The following KCNIP1 variants were observed in gnomAD, a reference collection of about 807,000 sequenced individuals.
KCNIP1 encodes the protein potassium voltage-gated channel interacting protein 1, also known as A-type potassium channel modulatory protein KCNIP1.
In KCNIP1, 18 loss-of-function variants were observed where a neutral mutation model predicts 33.0. The observed-to-expected ratio is 0.55, with a 90% CI of 0.38 to 0.81. The LOEUF is 0.81. Among genes scored for constraint, KCNIP1 ranks in the 30% least tolerant of loss-of-function variants. The pLI, the probability that KCNIP1 is intolerant of heterozygous loss-of-function variation, is 0.00. For missense variants in KCNIP1, 238 were observed against 271.6 expected, an observed-to-expected ratio of 0.88 and a Z score of 0.87; for synonymous variants, 93 against 98.3, an observed-to-expected ratio of 0.95 and a Z score of 0.32.
intron 1 of KCNIP1, among the ~76,000 whole-genome samples, chr5:170,556,229 G>A (rs1756842508): frequency 6.6e-6 from 1 of 152,218 alleles, no homozygotes; most frequent in South Asian, 2.1e-4. Flanking sequence ...AACAAGGGGT[G>A]AGGCCAGTTG....
intron 1 of KCNIP1, among the ~76,000 whole-genome samples, chr5:170,386,210 C>A (rs550611207): frequency 6.6e-6 from 1 of 151,912 alleles, no homozygotes; most frequent in Non-Finnish European, 1.5e-5. Flanking sequence ...TAAATGTAAT[C>A]CCAAGGGTCC....
At chr5:170,425,849 T>C (rs1755601818) in intron 1 of KCNIP1, among the ~76,000 whole-genome samples, 1 of 152,214 alleles carries the variant, frequency 6.6e-6, no homozygotes, top group Non-Finnish European at 1.5e-5. Flanking sequence ...TATAAGGTTG[T>C]CTGTGGCCAT....
intron 1 of KCNIP1, among the ~76,000 whole-genome samples, chr5:170,656,630 G>A (rs957019582): frequency 2.0e-5 from 3 of 152,214 alleles, no homozygotes; most frequent in Admixed American, 6.5e-5. Context: ...CCTGGGAGAG[G>A]CCACCCATGA....
At chr5:170,358,111 G>A (rs182597217) in intron 1 of KCNIP1, among the ~76,000 whole-genome samples, 201 of 152,284 alleles carry the variant, frequency 1.3e-3, no homozygotes, top group African/African-American at 4.5e-3. Context: ...CAGAAGTTGT[G>A]CAGGCTCCAT....
intron 1 of KCNIP1, among the ~76,000 whole-genome samples, chr5:170,661,468 G>A (rs1428422978): frequency 6.6e-6 from 1 of 152,122 alleles, no homozygotes; most frequent in Non-Finnish European, 1.5e-5. Flanking sequence ...TAGGAGTTGG[G>A]GAATCCCAAA....
At chr5:170,726,602 C>A (rs747164549) in intron 5 of KCNIP1, among the ~76,000 whole-genome samples, 1 of 151,948 alleles carries the variant, frequency 6.6e-6, no homozygotes, top group Non-Finnish European at 1.5e-5. Flanking sequence ...AACATACAAC[C>A]CAGAAATCCC....
chr5:170,598,922 T>C (rs931053328), intron 1 of KCNIP1, among the ~76,000 whole-genome samples: 1 of 150,466 alleles, frequency 6.6e-6, no homozygotes, highest in Non-Finnish European at 1.5e-5. Flanking sequence ...TGTGTGTGTG[T>C]GTGTGTGTGT....
chr5:170,415,109 T>C (rs543402701), intron 1 of KCNIP1, among the ~76,000 whole-genome samples: 66 of 152,348 alleles, frequency 4.3e-4, no homozygotes, highest in African/African-American at 1.2e-3. Context: ...TATTTTTCTC[T>C]CTTTTTCTGT....
At chr5:170,603,088 G>A (rs910282993) in intron 1 of KCNIP1, among the ~76,000 whole-genome samples, 2 of 152,008 alleles carry the variant, frequency 1.3e-5, no homozygotes, top group African/African-American at 4.8e-5. Context: ...GCGAAGGAGT[G>A]GGATCCCACC....
chr5:170,414,128 C>T (rs1447977399), intron 1 of KCNIP1, among the ~76,000 whole-genome samples: 1 of 152,166 alleles, frequency 6.6e-6, no homozygotes, highest in Non-Finnish European at 1.5e-5. Flanking sequence ...AAGAGTGTTG[C>T]AATCAGTTAG....
At chr5:170,355,702 C>T (rs1284110956) in intron 1 of KCNIP1, among the ~76,000 whole-genome samples, 1 of 152,216 alleles carries the variant, frequency 6.6e-6, no homozygotes, top group Non-Finnish European at 1.5e-5. Context: ...GAGGGAGCAA[C>T]ATCAGAGTGT....
intron 1 of KCNIP1, among the ~76,000 whole-genome samples, chr5:170,587,539 C>T (rs2113538218): frequency 6.6e-6 from 1 of 151,868 alleles, no homozygotes; most frequent in South Asian, 2.1e-4. Flanking sequence ...GTGCTGTGTT[C>T]CTTCCGGGGG....
chr5:170,369,527 G>A (rs1018372791), intron 1 of KCNIP1, among the ~76,000 whole-genome samples: 3 of 152,288 alleles, frequency 2.0e-5, no homozygotes, highest in Middle Eastern at 3.4e-3. Context: ...GCTCCAATGC[G>A]GTGCCTGCCC....
At chr5:170,443,072 G>T (rs1051970487) in intron 1 of KCNIP1, among the ~76,000 whole-genome samples, 1 of 152,160 alleles carries the variant, frequency 6.6e-6, no homozygotes, top group Non-Finnish European at 1.5e-5. Context: ...CTGTGGGGAG[G>T]GGCTCAGCTA....
intron 1 of KCNIP1, among the ~76,000 whole-genome samples, chr5:170,570,146 G>A (rs1757351309): frequency 6.6e-6 from 1 of 152,120 alleles, no homozygotes; most frequent in African/African-American, 2.4e-5. Context: ...TATTAGAAAA[G>A]TCACTGAGCC....
chr5:170,572,541 T>C (rs1272321427), intron 1 of KCNIP1, among the ~76,000 whole-genome samples: 2 of 152,182 alleles, frequency 1.3e-5, no homozygotes, highest in African/African-American at 4.8e-5. Flanking sequence ...AAGGCATACG[T>C]GGTGTGCAGA....
At chr5:170,631,300 T>G (rs1470194306) in intron 1 of KCNIP1, among the ~76,000 whole-genome samples, 2 of 152,122 alleles carry the variant, frequency 1.3e-5, no homozygotes. Context: ...CCAAAGAATG[T>G]GTGTGAGAGC....
chr5:170,433,957 T>G (rs1227345973), intron 1 of KCNIP1, among the ~76,000 whole-genome samples: 1 of 152,192 alleles, frequency 6.6e-6, no homozygotes, highest in Non-Finnish European at 1.5e-5. Context: ...TCCTGCTCAC[T>G]TTAGCTCCCA....
At chr5:170,721,569 C>T (rs887855296) in intron 3 of KCNIP1, among the ~76,000 whole-genome samples, 12 of 152,122 alleles carry the variant, frequency 7.9e-5, no homozygotes, top group African/African-American at 2.2e-4. Context: ...CATACACCAA[C>T]GACTCCATGC....
Sources: gnomAD v4.1 joint callset for allele counts (sites outside exome capture counted in the v4.1 genomes callset) on GRCh38, gnomAD v4.1.1 for gene constraint, MANE v1.5 for transcripts, NCBI Gene and HGNC (gene_info 2026-07-23, HGNC 2026-07-21) for gene names.